Variants in PLAA observed in about 807,000 individuals in gnomAD.
PLAA encodes the protein phospholipase A-2-activating protein.
In PLAA, 48 loss-of-function variants were observed where a neutral mutation model predicts 84.1. The ratio of observed to expected loss-of-function variants is 0.57; its 90% CI spans 0.45 to 0.73. PLAA has a LOEUF of 0.73. Among genes scored for constraint, PLAA ranks in the 30% least tolerant of loss-of-function variants. The pLI is 0.00. For synonymous variants in PLAA, 392 were observed against 336.6 expected, an observed-to-expected ratio of 1.16 and a Z score of -1.80; for missense variants, 903 against 954.7, an observed-to-expected ratio of 0.95 and a Z score of 0.71.
intron 6 of PLAA, 32 bp downstream of exon 6, chr9:26,925,792 AT>A (rs1232811135): frequency 1.2e-6 from 2 of 1,606,040 alleles, no homozygotes; most frequent in South Asian, 2.2e-5. Flanking sequence ...GCCTAGACAT[AT>A]AACATTTAAT....
At chr9:26,946,543 G>T (rs1825724482) in intron 1 of PLAA, among the ~76,000 whole-genome samples, 1 of 150,632 alleles carries the variant, frequency 6.6e-6, no homozygotes, top group Admixed American at 6.6e-5. Context: ...CATTTCAGAT[G>T]CCTTCAAACT....
In PLAA at chr9:26,935,209, G is replaced by A. The variant is rs761392409; in HGVS notation, c.150-3C>T. 3 of 1,533,552 alleles carry A rather than the reference G, an allele frequency of 2.0e-6. No individual in the cohort carries two copies. Among genetic ancestry groups the A allele is most frequent in the Admixed American group, 2.3e-5 (1 of 43,384 alleles). 95.0% of individuals were successfully genotyped at this position (1,533,552 alleles called of 1,614,324 possible). On this transcript the variant is annotated splice_polypyrimidine_tract_variant and splice_region_variant and intron_variant, in intron 1 of 13. Transcript: ENST00000397292. ...TTTCTGTAAAGCTCCTGTTTGGACT[G>A]GAAAGACAAGATAATTAATAGATAC...
At chr9:26,912,004 G>A (rs1824416317) in intron 11 of PLAA, among the ~76,000 whole-genome samples, 3 of 152,120 alleles carry the variant, frequency 2.0e-5, no homozygotes, top group South Asian at 4.1e-4. Context: ...TACAGTCTAG[G>A]AGCTGTGTTA....
chr9:26,916,677 G>C, intron 10 of PLAA: 2 of 994,134 alleles, frequency 2.0e-6, no homozygotes, highest in South Asian at 4.5e-5. Context: ...CACTCATGCT[G>C]TGTCTTGGTT....
intron 1 of PLAA, among the ~76,000 whole-genome samples, chr9:26,946,675 A>G (rs1201208082): frequency 6.6e-6 from 1 of 152,244 alleles, no homozygotes; most frequent in Non-Finnish European, 1.5e-5. Context: ...TCAAGTTAGC[A>G]CAACAAGGCA....
At chr9:26,932,614 CCT>C (rs541402705) in intron 2 of PLAA, among the ~76,000 whole-genome samples, 47 of 152,156 alleles carry the variant, frequency 3.1e-4, no homozygotes, top group African/African-American at 9.9e-4. Context: ...TTTGCCAACC[CCT>C]GTTTTAGAGC....
chr9:26,947,109 C>G lies in PLAA; in HGVS notation c.-64G>C. ...GCGAGACCAGTCCGCAGGGGCGACT[C>G]GGAGAGCGCCGGGCCGCGGCGGGAG... On this transcript the variant is annotated 5_prime_UTR_variant, in exon 1 of 14. Transcript: ENST00000397292. 7.1e-7 allele frequency: 1 copy of G among 1,408,760 alleles called. No homozygotes were observed. Among genetic ancestry groups the G allele is most frequent in the Non-Finnish European group, 9.3e-7 (1 of 1,078,774 alleles). The allele number at this position is 1,408,760 out of a possible 1,614,324, so 87.3% of individuals were successfully genotyped here. A position where few individuals can be genotyped will look rare whatever the true frequency, so the allele number is the denominator to read the frequency against.
chr9:26,903,377 G>C lies in PLAA; in HGVS notation c.*2134C>G, dbSNP rs147383669. Among the ~76,000 whole-genome samples, 163 of 152,302 alleles carry C rather than the reference G, an allele frequency of 1.1e-3. No homozygotes were observed. Among genetic ancestry groups the C allele is most frequent in the African/African-American group, 3.7e-3 (154 of 41,558 alleles). ...AAGAAATGGGTATATCCATATGATA[G>C]AATATTGTATTTATTAATGTGGAGC... On this transcript the variant is annotated 3_prime_UTR_variant, in exon 14 of 14. Transcript: ENST00000397292.
Position 26,904,103 on chromosome 9 carries a change from C to T in PLAA, c.*1408G>A, listed in dbSNP as rs1260618896. The stretch of plus-strand genomic sequence containing the variant: ...CAGGTAGTTCCAATTTAATACTCAG[C>T]AAAGTACATATCCCCTCTATTTACA... On this transcript the variant is annotated 3_prime_UTR_variant, in exon 14 of 14. Coordinates refer to ENST00000397292, the MANE Select transcript of PLAA (RefSeq NM_001031689.3). The T allele has an allele frequency of 1.3e-5, 2 of 153,182 alleles. No homozygotes were observed. Among genetic ancestry groups the T allele is most frequent in the African/African-American group, 4.8e-5 (2 of 41,448 alleles). The allele number at this position is 153,182 out of a possible 1,614,324, so 9.5% of individuals were successfully genotyped here.
chr9:26,924,071 C>G (rs1031433171), intron 6 of PLAA, among the ~76,000 whole-genome samples: 2 of 152,120 alleles, frequency 1.3e-5, no homozygotes, highest in East Asian at 3.9e-4. Flanking sequence ...TCTGTCCCAG[C>G]CAAAAAATAA....
Position 26,946,974 on chromosome 9 carries a change from C to A in PLAA, c.72G>T (p.Leu24=). Residue 24 remains leucine (L), a synonymous_variant, in exon 1 of 14, where the codon CTG becomes CTT. Coordinates refer to ENST00000397292, the MANE Select transcript of PLAA (RefSeq NM_001031689.3). ...CTCCCGGCGGATAGGCGCAGCACAC[C>A]AGGCCCCGTACGTCCAGCTCGTGGC... is the stretch of plus-strand genomic sequence containing the variant. ...LRGHELDVRG[L]VCCAYPPGAF... 6.3e-7 allele frequency: 1 copy of A among 1,592,304 alleles called. No individual in the cohort carries two copies. The highest frequency in any genetic ancestry group is 1.1e-5 in the South Asian group (1 of 87,668).
In PLAA at chr9:26,926,450, C is replaced by T. The variant is rs55851200; in HGVS notation, c.676G>A (p.Val226Ile). The T allele has an allele frequency of 6.2e-7, 1 of 1,611,800 alleles. No individual in the cohort carries two copies. Among genetic ancestry groups the T allele is most frequent in the East Asian group, 2.2e-5 (1 of 44,768 alleles). ...RWQITGECLE[V>I]YYGHTNYIYS... is the part of the protein sequence containing the mutation. ...ATATAATTTGTATGTCCATAATATA[C>T]TTCAAGACACTCGCCAGTGATTTGC... The change falls in exon 5 of 14, where the codon GTA (valine) becomes ATA (isoleucine). Residue 226 changes from valine (V) to isoleucine (I), a missense_variant. Transcript: ENST00000397292.
chr9:26,929,391 T>C (rs1236788443), intron 2 of PLAA, among the ~76,000 whole-genome samples: 1 of 152,028 alleles, frequency 6.6e-6, no homozygotes, highest in African/African-American at 2.4e-5. Flanking sequence ...AGAGAATTGC[T>C]TGAGCATGGG....
chr9:26,941,328 A>G (rs921931739), intron 1 of PLAA, among the ~76,000 whole-genome samples: 1 of 152,122 alleles, frequency 6.6e-6, no homozygotes, highest in East Asian at 1.9e-4. Context: ...AGTGTGAAGA[A>G]TGTGTATATT....
At chr9:26,926,916 T>C (rs1824987625) in intron 4 of PLAA, among the ~76,000 whole-genome samples, 1 of 151,670 alleles carries the variant, frequency 6.6e-6, no homozygotes. Flanking sequence ...AAAAGAAATA[T>C]ATAACAAAGA....
chr9:26,926,632 CATTAT>C, intron 4 of PLAA, 72 bp from the exon 5 acceptor site: 1 of 1,007,754 alleles, frequency 9.9e-7, no homozygotes, highest in Non-Finnish European at 1.4e-6. Context: ...ATTTTACTAA[CATTAT>C]AAAACATATC....
intron 11 of PLAA, among the ~76,000 whole-genome samples, chr9:26,910,686 CTTT>C (rs1177522216): frequency 6.6e-6 from 1 of 151,802 alleles, no homozygotes; most frequent in Non-Finnish European, 1.5e-5. Context: ...CTTTTTACTT[CTTT>C]TTTTTCTTTC....
Position 26,903,694 on chromosome 9 carries a change from C to G in PLAA, c.*1817G>C, listed in dbSNP as rs139509176. Among the ~76,000 whole-genome samples, 33 of 152,202 alleles carry G rather than the reference C, an allele frequency of 2.2e-4. No homozygotes were observed. In the East Asian group the frequency reaches 6.0e-3, roughly 28 times the overall value. On this transcript the variant is annotated 3_prime_UTR_variant, in exon 14 of 14. Coordinates refer to ENST00000397292, the MANE Select transcript of PLAA (RefSeq NM_001031689.3). ...TCATTAAATTATTTAACATATCCTTCAAGTGAGATTGTTTCCTTTTGCTAA... is the reference window on the plus strand; with the variant it reads ...TCATTAAATTATTTAACATATCCTTGAAGTGAGATTGTTTCCTTTTGCTAA...
rs898847029 is a variant in PLAA at position 26,935,219 on chromosome 9, G to A, written c.150-13C>T. 1 of 1,514,240 alleles carries A rather than the reference G, an allele frequency of 6.6e-7. No individual in the cohort carries two copies. The highest frequency in any genetic ancestry group is 1.4e-5 in the African/African-American group (1 of 70,258). 93.8% of individuals were successfully genotyped at this position (1,514,240 alleles called of 1,614,324 possible). On this transcript the variant is annotated splice_polypyrimidine_tract_variant and intron_variant, in intron 1 of 13. Transcript: ENST00000397292. Reference sequence around the variant, plus strand: ...GCTCCTGTTTGGACTGGAAAGACAAGATAATTAATAGATACATATTCGTAC... The same window carrying A: ...GCTCCTGTTTGGACTGGAAAGACAAAATAATTAATAGATACATATTCGTAC...
Sources: gnomAD v4.1 joint callset for allele counts (sites outside exome capture counted in the v4.1 genomes callset) on GRCh38, gnomAD v4.1.1 for gene constraint, MANE v1.5 for transcripts, NCBI Gene and HGNC (gene_info 2026-07-23, HGNC 2026-07-21) for gene names.